BTRC: variants seen among roughly 807,000 people sequenced by gnomAD.
The protein encoded by BTRC is beta-transducin repeat containing E3 ubiquitin protein ligase, also known as F-box/WD repeat-containing protein 1A.
A neutral mutation model predicts 85.5 loss-of-function variants in BTRC; 42 were observed. That is an observed-to-expected ratio of 0.49 (90% confidence interval 0.38 to 0.64). The LOEUF (loss-of-function observed/expected upper bound fraction) is 0.64, where lower values mean the gene tolerates loss of function less well. BTRC is among the 30% of genes least tolerant of loss of function. The pLI is 0.00. For synonymous variants in BTRC, 255 were observed against 263.3 expected (o/e 0.97, Z 0.30); for missense variants, 594 against 743.5 (o/e 0.80, Z 2.34).
intron 1 of BTRC, among the ~76,000 whole-genome samples, chr10:101,358,221 C>T (rs1450068269): frequency 6.6e-6 from 1 of 152,088 alleles, no homozygotes; most frequent in Non-Finnish European, 1.5e-5. Context: ...CCTGCCTCGG[C>T]GTCTCAAGTG....
chr10:101,482,635 T>A (rs1324864514), intron 4 of BTRC, among the ~76,000 whole-genome samples: 7 of 152,096 alleles, frequency 4.6e-5, no homozygotes. Flanking sequence ...GACGTCGTGA[T>A]CCGCTTGCCT....
chr10:101,525,204 G>A (rs2062172468), intron 5 of BTRC, among the ~76,000 whole-genome samples: 1 of 152,142 alleles, frequency 6.6e-6, no homozygotes, highest in African/African-American at 2.4e-5. Flanking sequence ...GGGTGGTGGA[G>A]AACTTTAATT....
Position 101,538,891 on chromosome 10 carries a change from T to TA in BTRC, c.1656+530dup, listed in dbSNP as rs899484314. On this transcript the variant is annotated intron_variant, in intron 13 of 14. Transcript: ENST00000370187. The stretch of plus-strand genomic sequence containing the variant: ...GGTGAAACCCCATCTCTGCTAAAAA[T>TA]AAAAAAAAAATTAGCCAAGCATGGT... Among the ~76,000 whole-genome samples the TA allele has an allele frequency of 3.0e-4, 45 of 148,944 alleles. No individual in the cohort carries two copies. The East Asian group carries it at 4.9e-3, about 16-fold the overall frequency.
chr10:101,405,762 C>T (rs1564751155), intron 1 of BTRC, among the ~76,000 whole-genome samples: 1 of 152,052 alleles, frequency 6.6e-6, no homozygotes, highest in Non-Finnish European at 1.5e-5. Context: ...GGAACTAGAA[C>T]CCCTTCTAGT....
chr10:101,543,869 C>T (rs553735892), intron 13 of BTRC, among the ~76,000 whole-genome samples: 3 of 152,258 alleles, frequency 2.0e-5, no homozygotes, highest in African/African-American at 4.8e-5. Flanking sequence ...CCCCACAGCA[C>T]TTGTTATTTT....
At chr10:101,524,471 T>C (rs2062162308) in intron 5 of BTRC, among the ~76,000 whole-genome samples, 1 of 152,200 alleles carries the variant, frequency 6.6e-6, no homozygotes, top group South Asian at 2.1e-4. Context: ...ATCTAATGCT[T>C]TATGGCCATT....
intron 4 of BTRC, among the ~76,000 whole-genome samples, chr10:101,521,080 C>T (rs2062097561): frequency 6.6e-6 from 1 of 151,966 alleles, no homozygotes; most frequent in Admixed American, 6.6e-5. Context: ...CCAGCCTGGG[C>T]AACAAAAGAA....
chr10:101,496,190 T>A (rs964490402), intron 4 of BTRC, among the ~76,000 whole-genome samples: 14 of 152,190 alleles, frequency 9.2e-5, no homozygotes, highest in African/African-American at 2.9e-4. Flanking sequence ...CTACAAAAAA[T>A]TATTTTACAT....
intron 1 of BTRC, among the ~76,000 whole-genome samples, chr10:101,359,405 T>C (rs1192918559): frequency 6.6e-6 from 1 of 152,066 alleles, no homozygotes; most frequent in African/African-American, 2.4e-5. Flanking sequence ...ATGAAATTAG[T>C]GGTAATTCTT....
intron 3 of BTRC, among the ~76,000 whole-genome samples, chr10:101,463,084 C>CA (rs1010618806): frequency 1.3e-5 from 2 of 149,374 alleles, no homozygotes; most frequent in African/African-American, 2.5e-5. Flanking sequence ...CTTGCTCTAT[C>CA]GCCCAGGCTG....
chr10:101,460,878 G>A (rs1160153724), intron 2 of BTRC, among the ~76,000 whole-genome samples: 2 of 152,088 alleles, frequency 1.3e-5, no homozygotes, highest in Admixed American at 6.6e-5. Context: ...TATATGTAAT[G>A]TAAGGAATAT....
At chr10:101,441,044 A>G (rs10883655) in intron 2 of BTRC, among the ~76,000 whole-genome samples, 56,248 of 152,096 alleles carry the variant, frequency 0.37, 11,597 homozygotes, top group Middle Eastern at 0.49. Flanking sequence ...ATTTGCATTT[A>G]AGCTATGAGA....
intron 1 of BTRC, among the ~76,000 whole-genome samples, chr10:101,405,207 C>G (rs1021142559): frequency 4.0e-5 from 6 of 151,772 alleles, no homozygotes; most frequent in Non-Finnish European, 5.9e-5. Flanking sequence ...TTTATTTAAT[C>G]CTGCATCTGT....
Position 101,536,199 on chromosome 10 carries a change from C to T in BTRC, c.1467-344C>T, listed in dbSNP as rs545723880. ...CATCACTGATAATCTGTATCTCTTT[C>T]AGTTTGGTGACTTCAGGAAACTGCT... On this transcript the variant is annotated intron_variant, in intron 11 of 14. Transcript: ENST00000370187. Among the ~76,000 whole-genome samples the T allele has an allele frequency of 7.2e-5, 11 of 152,324 alleles. No homozygotes were observed. The East Asian group carries it at 2.1e-3, about 29-fold the overall frequency.
intron 1 of BTRC, among the ~76,000 whole-genome samples, chr10:101,403,163 C>T (rs867385926): frequency 5.9e-5 from 9 of 152,224 alleles, no homozygotes; most frequent in Middle Eastern, 3.4e-3. Context: ...TCTCTGGGGA[C>T]GATACACATT....
chr10:101,384,512 T>C (rs1476448276), intron 1 of BTRC, among the ~76,000 whole-genome samples: 1 of 152,236 alleles, frequency 6.6e-6, no homozygotes, highest in East Asian at 1.9e-4. Context: ...TAAATTATAG[T>C]TCTAGTTAGT....
rs200018267 is a variant in BTRC, at chr10:101,408,208, CCATA to C, written c.49-22133_49-22130del. On this transcript the variant is annotated intron_variant, in intron 1 of 14. Coordinates refer to ENST00000370187, the MANE Select transcript of BTRC (RefSeq NM_033637.4). ...TATTGTATTGGAGAGTATGTTTAGA[CCATA>C]CATTTAGTGTAGTGATCAGTATGGT... 8.8e-3 allele frequency among the ~76,000 whole-genome samples: 1,335 copies of C among 152,062 alleles called. 18 individuals carry two copies. Among genetic ancestry groups the C allele is most frequent in the African/African-American group, 0.03 (1,259 of 41,476 alleles).
chr10:101,489,559 C>T (rs1181450012), intron 4 of BTRC, among the ~76,000 whole-genome samples: 1 of 152,046 alleles, frequency 6.6e-6, no homozygotes, highest in African/African-American at 2.4e-5. Context: ...GCTTGTGAAA[C>T]CTGAGCCTTC....
At chr10:101,523,638 G>A (rs2062151690) in intron 5 of BTRC, among the ~76,000 whole-genome samples, 1 of 152,102 alleles carries the variant, frequency 6.6e-6, no homozygotes, top group Non-Finnish European at 1.5e-5. Flanking sequence ...CTACTGATTT[G>A]CTAAGTTATT....
Sources: allele counts gnomAD v4.1 joint callset (sites outside exome capture counted in the v4.1 genomes callset), GRCh38; gene constraint gnomAD v4.1.1; transcripts MANE v1.5; gene names NCBI Gene and HGNC (gene_info 2026-07-23, HGNC 2026-07-21).